UBASH3B: variants seen among roughly 807,000 people sequenced by gnomAD.
The protein encoded by UBASH3B is ubiquitin associated and SH3 domain containing B.
A neutral mutation model predicts 83.4 loss-of-function variants in UBASH3B; 37 were observed. The ratio of observed to expected loss-of-function variants is 0.44; its 90% CI spans 0.34 to 0.58. The LOEUF (loss-of-function observed/expected upper bound fraction) is 0.58, where lower values mean the gene tolerates loss of function less well. Among genes scored for constraint, UBASH3B ranks in the 20% least tolerant of loss-of-function variants. UBASH3B has a pLI of 0.01. For synonymous variants in UBASH3B, 304 were observed against 318.3 expected (o/e 0.96, Z 0.48); for missense variants, 657 against 827.2 (o/e 0.79, Z 2.52).
At chr11:122,796,784 C>G (rs1861163866) in intron 8 of UBASH3B, 127 bp from the exon 9 acceptor site, 17 of 1,269,102 alleles carry the variant, frequency 1.3e-5, no homozygotes, top group Non-Finnish European at 1.9e-5. Context: ...TTTCTATCAG[C>G]TCCAGAGAGC....
intron 1 of UBASH3B, among the ~76,000 whole-genome samples, chr11:122,747,582 G>A (rs763078890): frequency 1.5e-4 from 23 of 152,176 alleles, no homozygotes; most frequent in Admixed American, 3.3e-4. Flanking sequence ...AGAAAGAAGC[G>A]GGATAACATA....
At chr11:122,804,284 GT>G in intron 11 of UBASH3B, among the ~76,000 whole-genome samples, 1 of 152,230 alleles carries the variant, frequency 6.6e-6, no homozygotes, top group East Asian at 1.9e-4. Flanking sequence ...CCAACAAGTG[GT>G]GATTCAGGTC....
At chr11:122,747,274 A>C (rs1185484930) in intron 1 of UBASH3B, among the ~76,000 whole-genome samples, 1 of 152,164 alleles carries the variant, frequency 6.6e-6, no homozygotes, top group Non-Finnish European at 1.5e-5. Context: ...AGCCAATAGG[A>C]CCCCTAAAAT....
Position 122,779,475 on chromosome 11 carries a change from GACT to G in UBASH3B, c.403-21_403-19del, listed in dbSNP as rs1422952919. ...CCATCTCCCCTTGTCTCTGAGTGAA[GACT>G]GCCTGTTTTCCCTGCCAGTGCGAGG... On this transcript the variant is annotated intron_variant, in intron 3 of 13. Transcript: ENST00000284273. 1.7e-5 allele frequency: 27 copies of G among 1,612,948 alleles called. No individual in the cohort carries two copies. Among genetic ancestry groups the G allele is most frequent in the African/African-American group, 2.7e-5 (2 of 74,890 alleles).
intron 1 of UBASH3B, among the ~76,000 whole-genome samples, chr11:122,705,876 A>G: frequency 6.6e-6 from 1 of 152,130 alleles, no homozygotes; most frequent in Non-Finnish European, 1.5e-5. Flanking sequence ...ATCAATCCGC[A>G]GCAGCTGATG....
At chr11:122,725,342 A>AAAAAAAAAAGAAAG (rs71281633) in intron 1 of UBASH3B, among the ~76,000 whole-genome samples, 1 of 130,780 alleles carries the variant, frequency 7.6e-6, no homozygotes, top group Non-Finnish European at 1.6e-5. Context: ...AAAAAAAAAA[A>AAAAAAAAAAGAAAG]AAGAAAAGAA....
intron 1 of UBASH3B, among the ~76,000 whole-genome samples, chr11:122,699,177 CT>C (rs1164580131): frequency 6.6e-6 from 1 of 152,190 alleles, no homozygotes; most frequent in Non-Finnish European, 1.5e-5. Flanking sequence ...CTTTTCGCCC[CT>C]GATGGAGGAG....
rs1861129409 is a variant in UBASH3B at position 122,746,994 on chromosome 11, G to A, written c.162-29225G>A. 2.0e-5 allele frequency among the ~76,000 whole-genome samples: 3 copies of A among 152,152 alleles called. No individual in the cohort carries two copies. In the South Asian group the frequency reaches 6.2e-4, roughly 32 times the overall value. ...ACAATCCCAGCAGAAAAAGCAAAGT[G>A]GGCAAAGGTTCAACAGAGAGAACAC... On this transcript the variant is annotated intron_variant, in intron 1 of 13. Transcript: ENST00000284273.
intron 1 of UBASH3B, among the ~76,000 whole-genome samples, chr11:122,708,696 C>T (rs17126767): frequency 0.043 from 6,469 of 152,204 alleles, 480 homozygotes; most frequent in African/African-American, 0.15. Context: ...AAAAGATCCA[C>T]GCAGGTTTTG....
chr11:122,747,475 A>G (rs982443589), intron 1 of UBASH3B, among the ~76,000 whole-genome samples: 1 of 152,184 alleles, frequency 6.6e-6, no homozygotes, highest in Non-Finnish European at 1.5e-5. Context: ...GGAGGGGAGA[A>G]AAATACACCA....
intron 1 of UBASH3B, among the ~76,000 whole-genome samples, chr11:122,713,152 C>T (rs939575379): frequency 3.3e-5 from 5 of 151,910 alleles, no homozygotes; most frequent in African/African-American, 1.2e-4. Flanking sequence ...TGTGATCCGC[C>T]CACTTCGGCC....
intron 1 of UBASH3B, among the ~76,000 whole-genome samples, chr11:122,771,384 C>A (rs975930657): frequency 2.0e-5 from 3 of 152,024 alleles, no homozygotes; most frequent in African/African-American, 7.2e-5. Context: ...AGGCACCCAC[C>A]ACCACGCCAC....
At position 122,777,058 on chromosome 11, in the gene UBASH3B, G is replaced by A. The variant is rs768832896; in HGVS notation, c.250G>A (p.Asp84Asn). The A allele has an allele frequency of 3.7e-6, 6 of 1,612,710 alleles. No homozygotes were observed. Among genetic ancestry groups the A allele is most frequent in the Middle Eastern group, 1.7e-4 (1 of 6,050 alleles). Reference sequence around the variant, plus strand: ...CCATGTCGGTGACCCCTTCCTGGATGACCCCCTGCCCCGGGAGTACGTCCT... The same window carrying A: ...CCATGTCGGTGACCCCTTCCTGGATAACCCCCTGCCCCGGGAGTACGTCCT... ...FSHVGDPFLD[D>N]PLPREYVLYL... The change falls in exon 3 of 14, where the codon GAC becomes AAC. Residue 84 changes from aspartate to asparagine, a missense_variant. Physicochemically the swap from Asp to Asn is conservative, Grantham distance 23. Coordinates refer to ENST00000284273, the MANE Select transcript of UBASH3B (RefSeq NM_032873.5).
intron 9 of UBASH3B, among the ~76,000 whole-genome samples, chr11:122,797,575 T>C (rs1461828954): frequency 6.6e-6 from 1 of 152,346 alleles, no homozygotes; most frequent in African/African-American, 2.4e-5. Flanking sequence ...AACAAACTTA[T>C]GTGTGGATAA....
Position 122,779,557 on chromosome 11 carries a change from A to G in UBASH3B, c.463A>G (p.Lys155Glu). ...EALQTTVSRW[K>E]CKFSAPLPLE... ...CCTGCAGACCACGGTCAGTCGCTGG[A>G]AATGTAAGTTCTCGGCCCCGCTGCC... The change falls in exon 4 of 14, where the codon AAA becomes GAA. Residue 155 changes from lysine to glutamate, a missense_variant. Coordinates refer to ENST00000284273, the MANE Select transcript of UBASH3B (RefSeq NM_032873.5). The G allele has an allele frequency of 6.2e-7, 1 of 1,614,136 alleles. No homozygotes were observed. The highest frequency in any genetic ancestry group is 8.5e-7 in the Non-Finnish European group (1 of 1,180,020).
At chr11:122,751,073 G>A (rs1160644911) in intron 1 of UBASH3B, among the ~76,000 whole-genome samples, 3 of 151,662 alleles carry the variant, frequency 2.0e-5, no homozygotes, top group South Asian at 2.1e-4. Flanking sequence ...ACCGTACCAC[G>A]CGCCTGGGTT....
chr11:122,667,037 CTTTT>C (rs148029449), intron 1 of UBASH3B, among the ~76,000 whole-genome samples: 219 of 101,532 alleles, frequency 2.2e-3, no homozygotes, highest in African/African-American at 7.9e-3. Context: ...TAATGGCATT[CTTTT>C]TTTTTTTTTT....
intron 1 of UBASH3B, among the ~76,000 whole-genome samples, chr11:122,664,912 G>A (rs958595415): frequency 1.5e-4 from 23 of 152,214 alleles, no homozygotes; most frequent in African/African-American, 5.5e-4. Flanking sequence ...CGGAGGGCAG[G>A]CCTGCCTTTT....
intron 1 of UBASH3B, among the ~76,000 whole-genome samples, chr11:122,772,251 G>A (rs1035923993): frequency 6.6e-6 from 1 of 152,172 alleles, no homozygotes; most frequent in East Asian, 1.9e-4. Context: ...GCACGTCTCC[G>A]TCATGGCCCT....
Sources: allele counts gnomAD v4.1 joint callset (sites outside exome capture counted in the v4.1 genomes callset), GRCh38; gene constraint gnomAD v4.1.1; transcripts MANE v1.5; gene names NCBI Gene and HGNC (gene_info 2026-07-23, HGNC 2026-07-21).